Variants in TNR observed in about 807,000 individuals in gnomAD.
TNR encodes tenascin-R.
In TNR, 45 loss-of-function variants were observed where a neutral mutation model predicts 150.4. The observed-to-expected ratio is 0.30, with a 90% confidence interval of 0.24 to 0.38. TNR has a LOEUF of 0.38. Among genes scored for constraint, TNR ranks in the 10% least tolerant of loss-of-function variants. The pLI, the probability that TNR is intolerant of heterozygous loss-of-function variation, is 1.00. For missense variants in TNR, 1,544 were observed against 1,759.1 expected (o/e 0.88, Z 2.19); for synonymous variants, 687 against 678.4 (o/e 1.01, Z -0.20).
At chr1:175,427,889 GCTTCCTTCCTTCCTTCCTTCCTTC>G (rs71129510) in intron 2 of TNR, among the ~76,000 whole-genome samples, 1 of 111,436 alleles carries the variant, frequency 9.0e-6, no homozygotes, top group African/African-American at 3.3e-5. Flanking sequence ...TCCCTTCTTC[GCTTCCTTCCTTCCTTCCTTCCTTC>G]CTTCCTTCCT....
chr1:175,475,744 A>T (rs1179904496), intron 2 of TNR, among the ~76,000 whole-genome samples: 1 of 151,826 alleles, frequency 6.6e-6, no homozygotes, highest in African/African-American at 2.4e-5. Flanking sequence ...TAAGAACCCC[A>T]TGTGTTCCTT....
intron 1 of TNR, among the ~76,000 whole-genome samples, chr1:175,576,464 T>G (rs780624451): frequency 6.6e-6 from 1 of 152,194 alleles, no homozygotes; most frequent in Non-Finnish European, 1.5e-5. Context: ...CAGGCCATCA[T>G]GATTACCATC....
chr1:175,385,990 C>T (rs753980094), intron 8 of TNR, 42 bp downstream of exon 8: 7 of 1,527,718 alleles, frequency 4.6e-6, no homozygotes, highest in East Asian at 2.3e-5. Flanking sequence ...GGCTCCACCC[C>T]TCTTTCCCTC....
At chr1:175,489,390 G>T (rs1658148742) in intron 2 of TNR, among the ~76,000 whole-genome samples, 1 of 152,214 alleles carries the variant, frequency 6.6e-6, no homozygotes, top group South Asian at 2.1e-4. Flanking sequence ...ATGGGGAAAA[G>T]TTAGGGGCTG....
intron 1 of TNR, among the ~76,000 whole-genome samples, chr1:175,542,098 G>A (rs1326242738): frequency 6.6e-6 from 1 of 152,138 alleles, no homozygotes; most frequent in Non-Finnish European, 1.5e-5. Flanking sequence ...GCATGCCACT[G>A]GGTTTGGGGC....
At chr1:175,607,568 A>G (rs1301877619) in intron 1 of TNR, among the ~76,000 whole-genome samples, 1 of 152,224 alleles carries the variant, frequency 6.6e-6, no homozygotes, top group Non-Finnish European at 1.5e-5. Flanking sequence ...GGGTAAGACC[A>G]TATGCTTGCT....
chr1:175,417,764 C>G (rs1181888338), intron 2 of TNR, among the ~76,000 whole-genome samples: 1 of 152,182 alleles, frequency 6.6e-6, no homozygotes, highest in African/African-American at 2.4e-5. Flanking sequence ...CTAAAAATAT[C>G]AAATGACAGA....
At chr1:175,337,767 C>T in intron 18 of TNR, 88 bp from the exon 19 acceptor site, 2 of 1,448,320 alleles carry the variant, frequency 1.4e-6, no homozygotes, top group Admixed American at 2.0e-5. Context: ...CTTAGCAGGC[C>T]TCCTGGTACA....
At chr1:175,605,880 A>G (rs553258345) in intron 1 of TNR, among the ~76,000 whole-genome samples, 9 of 152,262 alleles carry the variant, frequency 5.9e-5, no homozygotes, top group African/African-American at 2.2e-4. Flanking sequence ...AGCAGGCTTA[A>G]CCCCTTGGTG....
intron 1 of TNR, among the ~76,000 whole-genome samples, chr1:175,678,478 C>G (rs1194856479): frequency 6.6e-6 from 1 of 152,232 alleles, no homozygotes; most frequent in Non-Finnish European, 1.5e-5. Context: ...GCTGCCTTCT[C>G]GTCACCCCTC....
intron 2 of TNR, among the ~76,000 whole-genome samples, chr1:175,490,768 G>A (rs1247273759): frequency 6.6e-6 from 1 of 152,216 alleles, no homozygotes; most frequent in Admixed American, 6.5e-5. Flanking sequence ...TACACTGTTG[G>A]TGGGAGTGAC....
At position 175,599,472 on chromosome 1, in the gene TNR, G is replaced by A. The variant is rs949788191; in HGVS notation, c.-164-71103C>T. Among the ~76,000 whole-genome samples, 2 of 152,236 alleles carry A rather than the reference G, an allele frequency of 1.3e-5. No individual in the cohort carries two copies. Among genetic ancestry groups the A allele is most frequent in the African/African-American group, 4.8e-5 (2 of 41,464 alleles). ...TTACGAGGAAATGAGAAGACTTGGG[G>A]TCTTGCGATCGCCGCCGAGTGACGG... is the stretch of plus-strand genomic sequence containing the variant. On this transcript the variant is annotated intron_variant, in intron 1 of 22. Coordinates refer to ENST00000367674, the MANE Select transcript of TNR (RefSeq NM_003285.3). This position sits in a 1 kb window ranked among gnomAD's most constrained non-coding sequence, Gnocchi z 4.7.
At chr1:175,674,780 G>A (rs2101905590) in intron 1 of TNR, among the ~76,000 whole-genome samples, 1 of 152,270 alleles carries the variant, frequency 6.6e-6, no homozygotes, top group South Asian at 2.1e-4. Context: ...CTCCTCTTAT[G>A]CATCCCTTGA....
At chr1:175,359,106 T>C (rs1448182281) in intron 15 of TNR, among the ~76,000 whole-genome samples, 1 of 145,184 alleles carries the variant, frequency 6.9e-6, no homozygotes, top group Non-Finnish European at 1.5e-5. Context: ...AGCTCCTAGA[T>C]TTGATACAGT....
At chr1:175,356,570 A>G (rs1208496855) in intron 15 of TNR, 108 bp from the exon 16 acceptor site, 4 of 1,368,494 alleles carry the variant, frequency 2.9e-6, no homozygotes, top group Non-Finnish European at 2.0e-6. Flanking sequence ...AGAATTTTGG[A>G]AAAAAATCTT....
chr1:175,395,275 A>G (rs1653370506), intron 5 of TNR, among the ~76,000 whole-genome samples: 1 of 152,152 alleles, frequency 6.6e-6, no homozygotes, highest in African/African-American at 2.4e-5. Flanking sequence ...GAAGATTTCA[A>G]GGCTAAATCT....
intron 1 of TNR, among the ~76,000 whole-genome samples, chr1:175,734,738 C>T (rs972857035): frequency 2.0e-5 from 3 of 152,206 alleles, no homozygotes; most frequent in African/African-American, 7.2e-5. Flanking sequence ...TGTTTTTAAA[C>T]AGCCCTCGCA....
intron 1 of TNR, among the ~76,000 whole-genome samples, chr1:175,742,403 C>T (rs1667954883): frequency 6.6e-6 from 1 of 152,134 alleles, no homozygotes; most frequent in African/African-American, 2.4e-5. Flanking sequence ...CCCCAGAAAA[C>T]AGGGCAGAAC....
chr1:175,445,615 C>T (rs1289838576), intron 2 of TNR, among the ~76,000 whole-genome samples: 2 of 152,188 alleles, frequency 1.3e-5, no homozygotes, highest in Admixed American at 6.5e-5. Flanking sequence ...TGGATAATAA[C>T]ATTTAGTCAC....
Sources: gnomAD v4.1 joint callset for allele counts (sites outside exome capture counted in the v4.1 genomes callset) on GRCh38, gnomAD v4.1.1 for gene constraint, Gnocchi (gnomAD v3.1) non-coding constraint, MANE v1.5 for transcripts, NCBI Gene and HGNC (gene_info 2026-07-23, HGNC 2026-07-21) for gene names.